CSMD1: variants seen among roughly 807,000 people sequenced by gnomAD.
CSMD1 encodes the protein CUB and sushi domain-containing protein 1.
Under a neutral mutation model 417.5 loss-of-function variants are expected in CSMD1, and 213 were observed. That is an observed-to-expected ratio of 0.51 (90% CI 0.46 to 0.57). The LOEUF (loss-of-function observed/expected upper bound fraction) is 0.57, where lower values mean the gene tolerates loss of function less well. Ranked by LOEUF, CSMD1 falls within the 20% of genes least tolerant of loss-of-function variation. The pLI is 0.00. For synonymous variants in CSMD1, 2,862 were observed against 1,736.8 expected, an observed-to-expected ratio of 1.65 and a Z score of -16.11; for missense variants, 6,923 against 4,529.7, an observed-to-expected ratio of 1.53 and a Z score of -15.17.
intron 1 of CSMD1, among the ~76,000 whole-genome samples, chr8:4,798,430 T>C (rs926593086): frequency 1.3e-5 from 2 of 152,154 alleles, no homozygotes; most frequent in Non-Finnish European, 2.9e-5. Flanking sequence ...GGAGATATTT[T>C]ATTTTTAAAA....
At chr8:3,841,654 TA>T (rs200453031) in intron 5 of CSMD1, among the ~76,000 whole-genome samples, 8 of 151,108 alleles carry the variant, frequency 5.3e-5, no homozygotes, top group East Asian at 1.9e-4. Flanking sequence ...GAGGTTCAAA[TA>T]AAAAAAAACC....
chr8:4,573,547 G>C (rs1025165748), intron 2 of CSMD1, among the ~76,000 whole-genome samples: 4 of 152,140 alleles, frequency 2.6e-5, no homozygotes, highest in Admixed American at 6.5e-5. Flanking sequence ...TCCTGTATGA[G>C]ATGTCTGTTG....
chr8:3,569,370 A>G (rs1047725218), intron 10 of CSMD1, among the ~76,000 whole-genome samples: 3 of 152,238 alleles, frequency 2.0e-5, no homozygotes, highest in Non-Finnish European at 2.9e-5. Context: ...TAAACTGACC[A>G]TGGCAGCACT....
chr8:3,852,626 C>A (rs1027631822), intron 5 of CSMD1, among the ~76,000 whole-genome samples: 3 of 151,876 alleles, frequency 2.0e-5, no homozygotes, highest in Admixed American at 6.6e-5. Flanking sequence ...AGAATCCTGG[C>A]TTCATCAAAG....
At chr8:3,942,848 G>A (rs947141151) in intron 5 of CSMD1, among the ~76,000 whole-genome samples, 22 of 152,164 alleles carry the variant, frequency 1.4e-4, no homozygotes, top group Non-Finnish European at 2.4e-4. Context: ...CTATAGTATC[G>A]TCCCACAAAT....
At chr8:4,108,336 T>C (rs977884503) in intron 3 of CSMD1, among the ~76,000 whole-genome samples, 1 of 152,156 alleles carries the variant, frequency 6.6e-6, no homozygotes, top group South Asian at 2.1e-4. Flanking sequence ...TGTTGTATGA[T>C]GATTCTCCTG....
intron 61 of CSMD1, among the ~76,000 whole-genome samples, chr8:2,962,235 C>G (rs193100998): frequency 3.9e-5 from 6 of 152,286 alleles, no homozygotes; most frequent in East Asian, 1.9e-4. Flanking sequence ...AGAACAAAGT[C>G]TAGTAGCTAC....
chr8:3,016,369 T>C (rs1339881324), intron 52 of CSMD1, among the ~76,000 whole-genome samples: 2 of 152,158 alleles, frequency 1.3e-5, no homozygotes, highest in African/African-American at 4.8e-5. Flanking sequence ...CTCATCCCTA[T>C]TTTCCTCTGA....
At chr8:2,999,817 C>T in intron 53 of CSMD1, 141 bp downstream of exon 53, 2 of 676,918 alleles carry the variant, frequency 3.0e-6, no homozygotes, top group Non-Finnish European at 4.6e-6. Flanking sequence ...CTCCTGTTCT[C>T]TTTCTTTGTA....
At chr8:4,837,324 T>C (rs1800553923) in intron 1 of CSMD1, among the ~76,000 whole-genome samples, 1 of 152,194 alleles carries the variant, frequency 6.6e-6, no homozygotes, top group African/African-American at 2.4e-5. Flanking sequence ...CTGTTTACAA[T>C]AGCAGAGATT....
At chr8:4,039,140 CAACAGCATGTGT>C (rs1420304113) in intron 3 of CSMD1, among the ~76,000 whole-genome samples, 1 of 152,196 alleles carries the variant, frequency 6.6e-6, no homozygotes, top group Non-Finnish European at 1.5e-5. Context: ...GCAGCATTTT[CAACAGCATGTGT>C]ACAATCAGTG....
chr8:4,739,848 G>A (rs763579924), intron 1 of CSMD1, among the ~76,000 whole-genome samples: 22 of 151,956 alleles, frequency 1.4e-4, no homozygotes, highest in African/African-American at 3.9e-4. Context: ...CCCATCCACC[G>A]TTCCTACTCT....
chr8:4,960,367 T>C (rs1173010768), intron 1 of CSMD1, among the ~76,000 whole-genome samples: 1 of 152,208 alleles, frequency 6.6e-6, no homozygotes, highest in African/African-American at 2.4e-5. Flanking sequence ...AATATCACTA[T>C]GATGATGTAA....
At chr8:3,862,243 C>T (rs931605809) in intron 5 of CSMD1, among the ~76,000 whole-genome samples, 1 of 152,196 alleles carries the variant, frequency 6.6e-6, no homozygotes, top group Non-Finnish European at 1.5e-5. Context: ...ACCTCATACA[C>T]AGCTTCCACT....
intron 1 of CSMD1, among the ~76,000 whole-genome samples, chr8:4,673,089 C>T (rs1395874157): frequency 6.6e-6 from 1 of 151,890 alleles, no homozygotes; most frequent in Admixed American, 6.6e-5. Flanking sequence ...GGTGAAACAA[C>T]ACACAAGCAT....
chr8:2,949,289 T>G lies in CSMD1; in HGVS notation c.10402+10A>C, dbSNP rs1802459309. The G allele has an allele frequency of 6.7e-7, 1 of 1,503,104 alleles. No individual in the cohort carries two copies. 93.1% of individuals were successfully genotyped at this position (1,503,104 alleles called of 1,614,324 possible). A position where few individuals can be genotyped will look rare whatever the true frequency, so the allele number is the denominator to read the frequency against. On this transcript the variant is annotated intron_variant, in intron 68 of 69. Coordinates refer to ENST00000635120, the MANE Select transcript of CSMD1 (RefSeq NM_033225.6). ...TATTTGCTTTAAAATATATCCTAAG[T>G]GCAACTTACCTTGCCTTTCTAGCTT...
chr8:4,882,222 G>C (rs564359355), intron 1 of CSMD1, among the ~76,000 whole-genome samples: 48 of 152,026 alleles, frequency 3.2e-4, no homozygotes, highest in South Asian at 2.7e-3. Flanking sequence ...CCCACACACT[G>C]GGACCAGCAT....
chr8:4,108,578 C>G (rs773490820), intron 3 of CSMD1, among the ~76,000 whole-genome samples: 5 of 152,282 alleles, frequency 3.3e-5, no homozygotes, highest in South Asian at 4.1e-4. Flanking sequence ...TATGCCATCC[C>G]TTTAGATTTC....
chr8:3,920,825 C>T (rs898641930), intron 5 of CSMD1, among the ~76,000 whole-genome samples: 5 of 152,092 alleles, frequency 3.3e-5, no homozygotes, highest in South Asian at 2.1e-4. Context: ...ATAAATCTCA[C>T]CTGACTGTGG....
Sources: gnomAD v4.1 joint callset for allele counts (sites outside exome capture counted in the v4.1 genomes callset) on GRCh38, gnomAD v4.1.1 for gene constraint, MANE v1.5 for transcripts, NCBI Gene and HGNC (gene_info 2026-07-23, HGNC 2026-07-21) for gene names.